Variants in LAMA2 observed in about 807,000 individuals in gnomAD.
LAMA2 encodes laminin subunit alpha-2.
A neutral mutation model predicts 364.8 loss-of-function variants in LAMA2; 269 were observed. The observed-to-expected ratio is 0.74, with a 90% CI of 0.67 to 0.82. The LOEUF is 0.82. LAMA2 is among the 40% of genes least tolerant of loss of function. LAMA2 has a pLI of 0.00. For missense variants in LAMA2, 3,807 were observed against 3,873.2 expected (o/e 0.98, Z 0.45); for synonymous variants, 1,379 against 1,370.6 (o/e 1.01, Z -0.14).
intron 45 of LAMA2, among the ~76,000 whole-genome samples, chr6:129,448,804 A>T (rs996818122): frequency 6.6e-6 from 1 of 152,242 alleles, no homozygotes; most frequent in Non-Finnish European, 1.5e-5. Context: ...AAGGATCTGC[A>T]TTAGAAATAA....
chr6:129,328,089 C>T (rs923889924), intron 28 of LAMA2, among the ~76,000 whole-genome samples, 189 bp from the exon 29 acceptor site: 9 of 152,168 alleles, frequency 5.9e-5, no homozygotes, highest in Non-Finnish European at 1.0e-4. Flanking sequence ...ATGGATGCCG[C>T]CCGAACACCT....
chr6:128,962,446 C>T (rs750017160), intron 1 of LAMA2, among the ~76,000 whole-genome samples: 3 of 151,748 alleles, frequency 2.0e-5, no homozygotes, highest in East Asian at 1.9e-4. Flanking sequence ...GTGTGTCTCA[C>T]GTTTAGAGGG....
At chr6:129,310,500 G>C (rs973413306) in intron 22 of LAMA2, among the ~76,000 whole-genome samples, 1 of 152,108 alleles carries the variant, frequency 6.6e-6, no homozygotes, top group African/African-American at 2.4e-5. Flanking sequence ...GCACCAAAAA[G>C]AGTTAAGTCA....
chr6:129,172,928 C>T (rs952072062), intron 9 of LAMA2, among the ~76,000 whole-genome samples: 16 of 152,172 alleles, frequency 1.1e-4, no homozygotes. Context: ...GGGAGTGACC[C>T]GATTTTCCAG....
chr6:129,469,651 C>T (rs1226668168), intron 51 of LAMA2, among the ~76,000 whole-genome samples: 3 of 151,816 alleles, frequency 2.0e-5, no homozygotes, highest in East Asian at 1.9e-4. Flanking sequence ...AAAATGCTCA[C>T]ATTACTTTTA....
intron 1 of LAMA2, chr6:128,930,044 C>CAGA: frequency 2.4e-6 from 1 of 413,762 alleles, no homozygotes; most frequent in Admixed American, 4.2e-5. Context: ...GGCGCCGTGG[C>CAGA]GCCCGCAGCC....
intron 1 of LAMA2, among the ~76,000 whole-genome samples, chr6:128,957,270 T>G (rs1781210367): frequency 6.6e-6 from 1 of 152,174 alleles, no homozygotes; most frequent in South Asian, 2.1e-4. Context: ...TCTGTGTGAA[T>G]TTATAAACCA....
intron 1 of LAMA2, among the ~76,000 whole-genome samples, chr6:128,970,706 G>A (rs973268792): frequency 1.3e-5 from 2 of 152,120 alleles, no homozygotes; most frequent in African/African-American, 4.8e-5. Context: ...TCCCTTGTCA[G>A]GAAGCTTTTT....
chr6:129,051,568 C>T (rs1166081626), intron 2 of LAMA2, among the ~76,000 whole-genome samples: 5 of 149,416 alleles, frequency 3.3e-5, no homozygotes, highest in Non-Finnish European at 5.9e-5. Context: ...GCTTCAGCCT[C>T]CCAATAGATA....
intron 1 of LAMA2, among the ~76,000 whole-genome samples, chr6:128,964,211 G>C (rs944252478): frequency 6.6e-6 from 1 of 151,976 alleles, no homozygotes; most frequent in Non-Finnish European, 1.5e-5. Context: ...AAAAAAATCT[G>C]CATTTTATGT....
At chr6:128,925,072 T>G (rs1779001358) in intron 1 of LAMA2, among the ~76,000 whole-genome samples, 1 of 152,134 alleles carries the variant, frequency 6.6e-6, no homozygotes, top group African/African-American at 2.4e-5. Flanking sequence ...GATGGGAATA[T>G]AAAATGGTGT....
chr6:129,294,394 G>A (rs938941896), intron 20 of LAMA2, among the ~76,000 whole-genome samples: 1 of 152,144 alleles, frequency 6.6e-6, no homozygotes, highest in African/African-American at 2.4e-5. Flanking sequence ...TAGAGGCTGG[G>A]AAGTACAAGA....
rs12663723 is a variant in LAMA2, at chr6:129,292,530, G to A, written c.2856+810G>A. Among the ~76,000 whole-genome samples, 139 of 152,300 alleles carry A rather than the reference G, an allele frequency of 9.1e-4. 6 individuals carry two copies. The East Asian group carries it at 0.025, about 27-fold the overall frequency. On this transcript the variant is annotated intron_variant, in intron 20 of 64. Coordinates refer to ENST00000421865, the MANE Select transcript of LAMA2 (RefSeq NM_000426.4). ...AAACAAAATATTCAATTAAAATACAGCATGTTGTTCTCAGTCCCTGAACAT... is the reference window on the plus strand; with the variant it reads ...AAACAAAATATTCAATTAAAATACAACATGTTGTTCTCAGTCCCTGAACAT...
chr6:129,298,465 T>G (rs1773346173), intron 21 of LAMA2, among the ~76,000 whole-genome samples: 1 of 152,168 alleles, frequency 6.6e-6, no homozygotes, highest in Non-Finnish European at 1.5e-5. Context: ...AGCCACAGCC[T>G]TCACCCAAAT....
In LAMA2 at chr6:129,314,398, C is replaced by CAAAAAAA. The variant is rs3062342; in HGVS notation, c.3412-242_3412-236dup. On this transcript the variant is annotated intron_variant, in intron 23 of 64. Coordinates refer to ENST00000421865, the MANE Select transcript of LAMA2 (RefSeq NM_000426.4). ...TGGGCGAAAGAGCGAGACTCCGTCT[C>CAAAAAAA]AAAAAAAAAAAAAAAAAAAAAGTAC... is the stretch of plus-strand genomic sequence containing the variant. Among the ~76,000 whole-genome samples the CAAAAAAA allele has an allele frequency of 9.7e-4, 79 of 81,846 alleles. 4 individuals are homozygous for CAAAAAAA. The highest frequency in any genetic ancestry group is 3.4e-3 in the East Asian group (9 of 2,652). 53.7% of individuals were successfully genotyped at this position (81,846 alleles called of 152,430 possible).
intron 3 of LAMA2, among the ~76,000 whole-genome samples, chr6:129,078,756 G>A (rs1773828486): frequency 1.3e-5 from 2 of 152,024 alleles, no homozygotes; most frequent in Non-Finnish European, 2.9e-5. Flanking sequence ...TTTTCATCTT[G>A]TAAAATTTGA....
At chr6:129,090,243 C>T (rs1711853774) in intron 3 of LAMA2, among the ~76,000 whole-genome samples, 1 of 152,128 alleles carries the variant, frequency 6.6e-6, no homozygotes, top group African/African-American at 2.4e-5. Flanking sequence ...CCTCTTGTAT[C>T]AGTTTTCAAC....
intron 17 of LAMA2, among the ~76,000 whole-genome samples, chr6:129,277,817 T>C (rs879367041): frequency 6.6e-6 from 1 of 152,190 alleles, no homozygotes; most frequent in Non-Finnish European, 1.5e-5. Flanking sequence ...GAAAAAGTGT[T>C]GATTTTTGTC....
intron 4 of LAMA2, among the ~76,000 whole-genome samples, chr6:129,121,288 T>G (rs1194256172): frequency 6.6e-6 from 1 of 152,222 alleles, no homozygotes; most frequent in Non-Finnish European, 1.5e-5. Context: ...ATTTAGAAAT[T>G]CAGTAAGAAA....
Sources: allele counts gnomAD v4.1 joint callset (sites outside exome capture counted in the v4.1 genomes callset), GRCh38; gene constraint gnomAD v4.1.1; transcripts MANE v1.5; gene names NCBI Gene and HGNC (gene_info 2026-07-23, HGNC 2026-07-21).